Variants in HMBOX1 observed in about 807,000 individuals in gnomAD.
HMBOX1 encodes the protein homeobox containing 1.
HMBOX1 carries 14 observed loss-of-function variants against 54.5 expected under a neutral mutation model. The observed-to-expected ratio is 0.26, with a 90% CI of 0.17 to 0.40. HMBOX1 has a LOEUF of 0.40. Among genes scored for constraint, HMBOX1 ranks in the 10% least tolerant of loss-of-function variants. HMBOX1 has a pLI of 1.00. For synonymous variants in HMBOX1, 160 were observed against 181.0 expected, an observed-to-expected ratio of 0.88 and a Z score of 0.93; for missense variants, 332 against 514.4, an observed-to-expected ratio of 0.65 and a Z score of 3.43.
At chr8:28,939,598 C>G (rs986843023) in intron 1 of HMBOX1, among the ~76,000 whole-genome samples, 2 of 151,976 alleles carry the variant, frequency 1.3e-5, no homozygotes, top group African/African-American at 4.8e-5. Flanking sequence ...ATCTCCGCCC[C>G]CCCTGGGTTC....
At chr8:28,960,765 C>CTTTTTTTTTTTTTTTTTTTTTTTTT (rs1162477676) in intron 1 of HMBOX1, among the ~76,000 whole-genome samples, 5 of 16,262 alleles carry the variant, frequency 3.1e-4, no homozygotes, top group Non-Finnish European at 6.6e-4. Context: ...TTTTCTTTTT[C>CTTTTTTTTTTTTTTTTTTTTTTTTT]TTTTTTTTTT....
rs10706846 is a variant in HMBOX1, at chr8:29,009,523, CTTTTTTTT to C, written c.697+355_697+362del. On this transcript the variant is annotated intron_variant, in intron 5 of 9. Coordinates refer to ENST00000287701, the MANE Select transcript of HMBOX1 (RefSeq NM_001135726.3). ...CATAACTACGTAAGATTCCGTATCT[CTTTTTTTT>C]TTTTTTTTTTTTTGCAAATCTTGTT... 2,124 of 477,410 alleles carry C rather than the reference CTTTTTTTT, an allele frequency of 4.4e-3. 41 individuals are homozygous for C. The African/African-American group carries it at 0.061, about 14-fold the overall frequency. 29.6% of individuals were successfully genotyped at this position (477,410 alleles called of 1,614,324 possible). A position where few individuals can be genotyped will look rare whatever the true frequency, so the allele number is the denominator to read the frequency against.
intron 6 of HMBOX1, among the ~76,000 whole-genome samples, chr8:29,044,172 C>CT (rs1351555974): frequency 6.6e-6 from 1 of 152,088 alleles, no homozygotes; most frequent in Non-Finnish European, 1.5e-5. Flanking sequence ...TCAGGAAGGG[C>CT]TGGGGCCTCC....
intron 1 of HMBOX1, among the ~76,000 whole-genome samples, chr8:28,942,024 C>T (rs1821520589): frequency 6.6e-6 from 1 of 152,188 alleles, no homozygotes; most frequent in South Asian, 2.1e-4. Flanking sequence ...CAGGCCACCC[C>T]AGTGTGGTAC....
At chr8:28,931,951 A>T (rs1029744020) in intron 1 of HMBOX1, among the ~76,000 whole-genome samples, 5 of 152,182 alleles carry the variant, frequency 3.3e-5, no homozygotes, top group Non-Finnish European at 5.9e-5. Flanking sequence ...AACAATCTCT[A>T]CTTTGATAAG....
chr8:29,015,700 A>C (rs1177315800), intron 5 of HMBOX1, among the ~76,000 whole-genome samples: 2 of 152,218 alleles, frequency 1.3e-5, no homozygotes, highest in Non-Finnish European at 2.9e-5. Flanking sequence ...GAAGGGTTTC[A>C]GTTTAGAATT....
chr8:28,962,486 G>A (rs961983447), intron 1 of HMBOX1, among the ~76,000 whole-genome samples: 3 of 141,596 alleles, frequency 2.1e-5, no homozygotes, highest in South Asian at 2.3e-4. Flanking sequence ...ACATGTAAAC[G>A]TGCTGCATGG....
intron 1 of HMBOX1, among the ~76,000 whole-genome samples, chr8:28,944,886 CAAT>C (rs1205976112): frequency 6.6e-6 from 1 of 152,092 alleles, no homozygotes; most frequent in Non-Finnish European, 1.5e-5. Context: ...AAACTTGGGA[CAAT>C]GAGTCCCTGC....
chr8:29,001,063 A>G (rs1832561799), intron 4 of HMBOX1, among the ~76,000 whole-genome samples: 1 of 152,132 alleles, frequency 6.6e-6, no homozygotes, highest in Non-Finnish European at 1.5e-5. Flanking sequence ...CACTATTCTC[A>G]CTGATGTCAC....
At chr8:28,967,942 GTTTTGTTTTATTTT>G (rs1826722582) in intron 2 of HMBOX1, among the ~76,000 whole-genome samples, 1 of 152,094 alleles carries the variant, frequency 6.6e-6, no homozygotes, top group African/African-American at 2.4e-5. Context: ...TGTGTGTTTG[GTTTTGTTTTATTTT>G]TATGAGCTTG....
chr8:29,045,452 G>T lies in HMBOX1; in HGVS notation c.934+9G>T, dbSNP rs376751604. ...AGTTATACAGAAGCCAGGTAAGGTC[G>T]CAGGCACAGCCTTGCTCTGCGGTGC... is the stretch of plus-strand genomic sequence containing the variant. On this transcript the variant is annotated intron_variant, in intron 7 of 9. Transcript: ENST00000287701. The T allele has an allele frequency of 5.6e-6, 9 of 1,610,092 alleles. No homozygotes were observed. The African/African-American group carries it at 1.1e-4, about 19-fold the overall frequency.
chr8:29,009,338 C>A, intron 5 of HMBOX1, 156 bp downstream of exon 5: 1 of 656,660 alleles, frequency 1.5e-6, no homozygotes, highest in Non-Finnish European at 1.9e-6. Flanking sequence ...AAAAGCTAAA[C>A]CCTGACTGTA....
intron 6 of HMBOX1, among the ~76,000 whole-genome samples, chr8:29,021,758 G>C (rs924698818): frequency 6.6e-6 from 1 of 151,646 alleles, no homozygotes; most frequent in African/African-American, 2.4e-5. Context: ...TACTCGGGAG[G>C]CTGAGGCAGG....
At chr8:29,038,017 T>C (rs758686259) in intron 6 of HMBOX1, among the ~76,000 whole-genome samples, 5 of 152,206 alleles carry the variant, frequency 3.3e-5, no homozygotes, top group Non-Finnish European at 7.3e-5. Context: ...TTAGCAGAGA[T>C]AGTTCACATG....
rs141691005 is a variant in HMBOX1 at position 28,940,036 on chromosome 8, G to A, written c.-57-23775G>A. Among the ~76,000 whole-genome samples, 419 of 151,704 alleles carry A rather than the reference G, an allele frequency of 2.8e-3. 4 individuals carry two copies. Among genetic ancestry groups the A allele is most frequent in the African/African-American group, 9.3e-3 (384 of 41,382 alleles). ...AAAAAAATTGTTTTAGATTTTTTTT[G>A]TATTTTTTTTGTTTGGAAACAGAGT... On this transcript the variant is annotated intron_variant, in intron 1 of 9. Coordinates refer to ENST00000287701, the MANE Select transcript of HMBOX1 (RefSeq NM_001135726.3).
intron 1 of HMBOX1, among the ~76,000 whole-genome samples, chr8:28,937,179 G>T (rs1361668915): frequency 6.6e-6 from 1 of 152,188 alleles, no homozygotes; most frequent in Non-Finnish European, 1.5e-5. Flanking sequence ...TTTGAAGTGG[G>T]TGTCAGCATT....
At chr8:28,924,850 G>C (rs1036285219) in intron 1 of HMBOX1, 4 of 151,064 alleles carry the variant, frequency 2.6e-5, no homozygotes, top group African/African-American at 9.7e-5. Flanking sequence ...AGCCTCAGGT[G>C]ATCCACCCGC....
At chr8:29,045,749 G>T (rs1046867668) in intron 7 of HMBOX1, among the ~76,000 whole-genome samples, 3 of 150,934 alleles carry the variant, frequency 2.0e-5, no homozygotes, top group Non-Finnish European at 4.4e-5. Context: ...TTAGCTAAAA[G>T]ATATTATGAA....
At chr8:29,018,704 T>C (rs7837237) in intron 5 of HMBOX1, 56 bp from the exon 6 acceptor site, 563,461 of 1,555,894 alleles carry the variant, frequency 0.36, 106,349 homozygotes, top group African/African-American at 0.6. Context: ...AAGTAGATGT[T>C]ATATTGTTTT....
Sources: gnomAD v4.1 joint callset for allele counts (sites outside exome capture counted in the v4.1 genomes callset) on GRCh38, gnomAD v4.1.1 for gene constraint, MANE v1.5 for transcripts, NCBI Gene and HGNC (gene_info 2026-07-23, HGNC 2026-07-21) for gene names.